IQGAP3: variants seen among roughly 807,000 people sequenced by gnomAD.
IQGAP3 encodes ras GTPase-activating-like protein IQGAP3.
IQGAP3 carries 165 observed loss-of-function variants against 208.2 expected under a neutral mutation model. The observed-to-expected ratio is 0.79, with a 90% CI of 0.70 to 0.90. The LOEUF is 0.90. Among genes scored for constraint, IQGAP3 ranks in the 40% least tolerant of loss-of-function variants. IQGAP3 has a pLI of 0.00. For synonymous variants in IQGAP3, 703 were observed against 803.6 expected (o/e 0.87, Z 2.12); for missense variants, 1,811 against 2,043.1 (o/e 0.89, Z 2.19).
Position 156,544,174 on chromosome 1 carries a change from C to G in IQGAP3, c.2438G>C (p.Arg813Pro). The part of the protein sequence containing the change: ...MWAARRQYLR[R>P]LHYFQKNVNS... ...CACATTCTTCTGGAAGTAGTGCAGACGCCTCAGGTATTGCCTCCGAGCTGC... is the reference window on the plus strand; with the variant it reads ...CACATTCTTCTGGAAGTAGTGCAGAGGCCTCAGGTATTGCCTCCGAGCTGC... Residue 813 changes from arginine (R) to proline (P), a missense_variant, in exon 21 of 38, where the codon CGT becomes CCT. Arg to Pro is a moderately radical substitution (Grantham distance 103). Transcript: ENST00000361170. 1 of 1,614,180 alleles carries G rather than the reference C, an allele frequency of 6.2e-7. No homozygotes were observed. The highest frequency in any genetic ancestry group is 8.5e-7 in the Non-Finnish European group (1 of 1,180,024).
At chr1:156,567,864 G>A (rs1354353973) in intron 2 of IQGAP3, among the ~76,000 whole-genome samples, 1 of 152,146 alleles carries the variant, frequency 6.6e-6, no homozygotes, top group Non-Finnish European at 1.5e-5. Flanking sequence ...AGTAAATATG[G>A]AAGAAATGAC....
chr1:156,566,638 T>C, intron 2 of IQGAP3, 92 bp from the exon 3 acceptor site: 1 of 1,264,812 alleles, frequency 7.9e-7, no homozygotes, highest in African/African-American at 1.5e-5. Context: ...TCCTTTTAAG[T>C]GGCCCCTGAC....
chr1:156,549,003 G>A (rs1006702136), intron 16 of IQGAP3, among the ~76,000 whole-genome samples: 2 of 152,166 alleles, frequency 1.3e-5, no homozygotes, highest in African/African-American at 4.8e-5. Flanking sequence ...GCTGAGTTGG[G>A]GCTTGATAAA....
At chr1:156,552,964 C>A (rs189472677) in intron 13 of IQGAP3, among the ~76,000 whole-genome samples, 1 of 152,144 alleles carries the variant, frequency 6.6e-6, no homozygotes, top group East Asian at 1.9e-4. Context: ...GTCCTAGCTA[C>A]TTGGGAGGCT....
chr1:156,560,900 C>T lies in IQGAP3; in HGVS notation c.1129+34G>A, dbSNP rs1676116826. 5 of 1,440,502 alleles carry T rather than the reference C, an allele frequency of 3.5e-6. No homozygotes were observed. In the African/African-American group the frequency reaches 7.0e-5, roughly 20 times the overall value. 89.2% of individuals were successfully genotyped at this position (1,440,502 alleles called of 1,614,324 possible). A position where few individuals can be genotyped will look rare whatever the true frequency, so the allele number is the denominator to read the frequency against. On this transcript the variant is annotated intron_variant, in intron 11 of 37. Coordinates refer to ENST00000361170, the MANE Select transcript of IQGAP3 (RefSeq NM_178229.5). ...TACTCTTCTAAGAGTCAGAGATACG[C>T]ACAGAGCAGGCCTCAGACCTGCAGA...
chr1:156,563,105 G>A (rs200972022), intron 8 of IQGAP3, 29 bp downstream of exon 8: 23 of 1,531,854 alleles, frequency 1.5e-5, no homozygotes, highest in African/African-American at 5.5e-5. Flanking sequence ...TCAACTTTTC[G>A]GTCCCTGCAA....
In IQGAP3 at chr1:156,526,149, T is replaced by G; in HGVS notation, c.*337A>C. 1 of 246,530 alleles carries G rather than the reference T, an allele frequency of 4.1e-6. No individual in the cohort carries two copies. The highest frequency in any genetic ancestry group is 8.1e-6 in the Non-Finnish European group (1 of 123,106). 15.3% of individuals were successfully genotyped at this position (246,530 alleles called of 1,614,324 possible). A position where few individuals can be genotyped will look rare whatever the true frequency, so the allele number is the denominator to read the frequency against. On this transcript the variant is annotated 3_prime_UTR_variant, in exon 38 of 38. Coordinates refer to ENST00000361170, the MANE Select transcript of IQGAP3 (RefSeq NM_178229.5). ...CAAGCCGCTGGGGCAGTGCTTGTAA[T>G]ATTGGGGTGACTGTGGGAGGGCAGT...
chr1:156,534,096 A>G lies in IQGAP3; in HGVS notation c.3786T>C (p.Arg1262=). 2.5e-6 allele frequency: 4 copies of G among 1,613,816 alleles called. 1 individual carries two copies. In the South Asian group the frequency reaches 4.4e-5, roughly 18 times the overall value. Residue 1262 remains arginine (R), a synonymous_variant, in exon 30 of 38, where the codon CGT becomes CGC. Transcript: ENST00000361170. ...TGTCTGAGTACTCGTCCACTGCAAA[A>G]CGCTCCTCTGGCTCTGGCACCTGGC... is the stretch of plus-strand genomic sequence containing the variant. The part of the protein sequence containing the change: ...RACQVPEPEE[R]FAVDEYSDMV...
chr1:156,571,338 C>T (rs1052853062), intron 1 of IQGAP3, among the ~76,000 whole-genome samples: 3 of 152,178 alleles, frequency 2.0e-5, no homozygotes, highest in African/African-American at 7.2e-5. Flanking sequence ...GCCAATCTGT[C>T]TTTGACTCAG....
At chr1:156,554,807 T>C (rs111527895) in intron 12 of IQGAP3, among the ~76,000 whole-genome samples, 4,359 of 152,218 alleles carry the variant, frequency 0.029, 202 homozygotes, top group African/African-American at 0.1. Flanking sequence ...CCTGTAATCC[T>C]AGCACTTTGG....
chr1:156,532,871 T>A, intron 32 of IQGAP3, 109 bp downstream of exon 32: 1 of 1,210,092 alleles, frequency 8.3e-7, no homozygotes, highest in Non-Finnish European at 1.2e-6. Context: ...TCCTGAAGGA[T>A]AAGGGAGCCC....
Position 156,538,976 on chromosome 1 carries a change from C to T in IQGAP3, c.3114G>A (p.Leu1038=). 1 of 1,614,206 alleles carries T rather than the reference C, an allele frequency of 6.2e-7. No homozygotes were observed. The highest frequency in any genetic ancestry group is 1.1e-5 in the South Asian group (1 of 91,080). Residue 1038 remains leucine, a synonymous_variant, in exon 26 of 38, where the codon CTG becomes CTA. Transcript: ENST00000361170. The stretch of plus-strand genomic sequence containing the variant: ...GCCCATTACGGTAGAATCTCACCAC[C>T]AGCCTCACCACTGTTGGGTTGCCTG... ...VVTGNPTVVR[L]VVRFYRNGRG...
chr1:156,548,106 C>T lies in IQGAP3; in HGVS notation c.2271G>A (p.Leu757=). The T allele has an allele frequency of 1.2e-6, 2 of 1,613,672 alleles. No individual in the cohort carries two copies. The highest frequency in any genetic ancestry group is 1.7e-4 in the Middle Eastern group (1 of 6,060). ...RQKFAEHSHF[L]RTWLPAVIKI... ...TGATGACTGCTGGGAGCCAGGTCCT[C>T]AGAAAGTGGGAATGCTCAGCAAACT... The change falls in exon 19 of 38, where the codon CTG becomes CTA. Residue 757 remains leucine (L), a synonymous_variant. Transcript: ENST00000361170.
chr1:156,547,004 T>A (rs7533781), intron 19 of IQGAP3, among the ~76,000 whole-genome samples: 1 of 152,218 alleles, frequency 6.6e-6, no homozygotes, highest in Admixed American at 6.5e-5. Context: ...CCAAGTGGCA[T>A]GCTCTTGGCA....
chr1:156,557,257 C>T (rs1357406086), intron 11 of IQGAP3, among the ~76,000 whole-genome samples: 1 of 6,924 alleles, frequency 1.4e-4, no homozygotes, highest in African/African-American at 1.5e-4. Flanking sequence ...AGGAGCCCCT[C>T]TGCCCGGCCA....
chr1:156,527,067 G>GA (rs1674109222), intron 37 of IQGAP3, among the ~76,000 whole-genome samples: 2 of 151,042 alleles, frequency 1.3e-5, no homozygotes, highest in Admixed American at 1.3e-4. Flanking sequence ...TGCTGACCTC[G>GA]TGATCCGCCC....
In IQGAP3 at chr1:156,526,067, G is replaced by A. The variant is rs933059615; in HGVS notation, c.*419C>T. On this transcript the variant is annotated 3_prime_UTR_variant, in exon 38 of 38. Coordinates refer to ENST00000361170, the MANE Select transcript of IQGAP3 (RefSeq NM_178229.5). Reference sequence around the variant, plus strand: ...TGCTGATGCAGTGGGAGGTAGGGATGGGGAGCCTGGCCCTGGCTTTGTGGG... The same window carrying A: ...TGCTGATGCAGTGGGAGGTAGGGATAGGGAGCCTGGCCCTGGCTTTGTGGG... The A allele has an allele frequency of 5.2e-6, 1 of 193,430 alleles. No individual in the cohort carries two copies. The highest frequency in any genetic ancestry group is 2.3e-5 in the African/African-American group (1 of 43,510). The allele number at this position is 193,430 out of a possible 1,614,324, so 12.0% of individuals were successfully genotyped here.
chr1:156,529,932 A>G (rs1674300028), intron 34 of IQGAP3, among the ~76,000 whole-genome samples, 173 bp downstream of exon 34: 1 of 151,626 alleles, frequency 6.6e-6, no homozygotes, highest in Non-Finnish European at 1.5e-5. Context: ...AAAAAAAAAA[A>G]AAGAAAAAAA....
rs951002613 is a variant in IQGAP3, at chr1:156,540,068, C to T, written c.2740-78G>A. On this transcript the variant is annotated intron_variant, in intron 23 of 37. Coordinates refer to ENST00000361170, the MANE Select transcript of IQGAP3 (RefSeq NM_178229.5). ...CAGAACATACGGTCTAGAATCAGTG[C>T]CTTGAAGAGCCAGGGCTTTCTGCTG... 2.6e-6 allele frequency: 4 copies of T among 1,518,818 alleles called. No individual in the cohort carries two copies. The African/African-American group carries it at 4.1e-5, about 16-fold the overall frequency. The allele number at this position is 1,518,818 out of a possible 1,614,324, so 94.1% of individuals were successfully genotyped here. A position where few individuals can be genotyped will look rare whatever the true frequency, so the allele number is the denominator to read the frequency against.
Sources: gnomAD v4.1 joint callset for allele counts (sites outside exome capture counted in the v4.1 genomes callset) on GRCh38, gnomAD v4.1.1 for gene constraint, MANE v1.5 for transcripts, NCBI Gene and HGNC (gene_info 2026-07-23, HGNC 2026-07-21) for gene names.